The following NIPAL2 variants were observed in gnomAD, a reference collection of about 807,000 sequenced individuals.
The protein encoded by NIPAL2 is NIPA-like protein 2.
A neutral mutation model predicts 48.9 loss-of-function variants in NIPAL2; 43 were observed. The ratio of observed to expected loss-of-function variants is 0.88; its 90% confidence interval spans 0.69 to 1.13. The LOEUF (loss-of-function observed/expected upper bound fraction) is 1.13, where lower values mean the gene tolerates loss of function less well. Among genes scored for constraint, NIPAL2 ranks in the 50% most tolerant of loss-of-function variants. NIPAL2 has a pLI of 0.00. For synonymous variants in NIPAL2, 167 were observed against 174.6 expected, an observed-to-expected ratio of 0.96 and a Z score of 0.34; for missense variants, 446 against 461.4, an observed-to-expected ratio of 0.97 and a Z score of 0.31.
chr8:98,259,011 T>TA (rs940690501), intron 1 of NIPAL2, among the ~76,000 whole-genome samples: 1 of 144,214 alleles, frequency 6.9e-6, no homozygotes, highest in Non-Finnish European at 1.5e-5. Flanking sequence ...GGCCACAAAA[T>TA]AAAAAAATAC....
chr8:98,216,624 C>A (rs1005467270), intron 5 of NIPAL2, among the ~76,000 whole-genome samples: 1 of 152,172 alleles, frequency 6.6e-6, no homozygotes, highest in Non-Finnish European at 1.5e-5. Flanking sequence ...AGAATGACAC[C>A]AAATGACAGG....
intron 4 of NIPAL2, among the ~76,000 whole-genome samples, chr8:98,229,632 C>T (rs547822070): frequency 6.6e-6 from 1 of 152,194 alleles, no homozygotes; most frequent in Non-Finnish European, 1.5e-5. Flanking sequence ...CCCACCTTGG[C>T]CTCCTAAAGT....
At chr8:98,229,331 T>C (rs1003129879) in intron 4 of NIPAL2, among the ~76,000 whole-genome samples, 2 of 152,202 alleles carry the variant, frequency 1.3e-5, no homozygotes, top group African/African-American at 4.8e-5. Flanking sequence ...TTATAATAGA[T>C]ACACTAGTTA....
chr8:98,224,871 C>G (rs1467763806), intron 4 of NIPAL2, among the ~76,000 whole-genome samples: 1 of 151,128 alleles, frequency 6.6e-6, no homozygotes, highest in Non-Finnish European at 1.5e-5. Context: ...TGATCCTCCT[C>G]TTAGCCTCCC....
chr8:98,229,704 C>A (rs1812346434), intron 4 of NIPAL2, among the ~76,000 whole-genome samples: 1 of 152,008 alleles, frequency 6.6e-6, no homozygotes, highest in Admixed American at 6.6e-5. Flanking sequence ...AGGTGATGTT[C>A]TTAAAATTAT....
At chr8:98,227,827 C>T (rs1812251946) in intron 4 of NIPAL2, among the ~76,000 whole-genome samples, 1 of 152,166 alleles carries the variant, frequency 6.6e-6, no homozygotes, top group Non-Finnish European at 1.5e-5. Context: ...CAGGACTTGC[C>T]TAGGAGTTGC....
In NIPAL2 at chr8:98,240,217, T is replaced by C. The variant is rs148188940; in HGVS notation, c.377-4003A>G. Among the ~76,000 whole-genome samples, 90 of 152,278 alleles carry C rather than the reference T, an allele frequency of 5.9e-4. 1 individual carries two copies. In the East Asian group the frequency reaches 0.017, roughly 28 times the overall value. On this transcript the variant is annotated intron_variant, in intron 3 of 10. Transcript: ENST00000430223. ...GTGTGCATTTTTGGTTTGAGACATGTTTGGGCAGAGACTCATGAATGCTTT... is the reference window on the plus strand; with the variant it reads ...GTGTGCATTTTTGGTTTGAGACATGCTTGGGCAGAGACTCATGAATGCTTT...
chr8:98,219,552 C>G (rs1285381731), intron 5 of NIPAL2, among the ~76,000 whole-genome samples: 1 of 152,050 alleles, frequency 6.6e-6, no homozygotes, highest in East Asian at 1.9e-4. Flanking sequence ...TTTGGCAATT[C>G]ATGGAGAGGA....
intron 5 of NIPAL2, chr8:98,217,107 A>G: frequency 1.0e-6 from 1 of 985,472 alleles, no homozygotes; most frequent in Non-Finnish European, 1.2e-6. Flanking sequence ...CATCTGCAGC[A>G]GACAGGCTGG....
intron 5 of NIPAL2, chr8:98,217,222 T>C (rs1811622002): frequency 1.0e-6 from 1 of 985,316 alleles, no homozygotes; most frequent in Non-Finnish European, 1.2e-6. Flanking sequence ...GAGGAAAAGC[T>C]CCTGAGCCTT....
At chr8:98,286,941 G>C (rs1421915096) in intron 1 of NIPAL2, among the ~76,000 whole-genome samples, 1 of 152,112 alleles carries the variant, frequency 6.6e-6, no homozygotes, top group African/African-American at 2.4e-5. Context: ...GGGCAGTAGA[G>C]TGCTATCTGT....
At chr8:98,212,342 C>G in intron 6 of NIPAL2, 63 bp downstream of exon 6, 1 of 885,640 alleles carries the variant, frequency 1.1e-6, no homozygotes, top group South Asian at 1.5e-5. Flanking sequence ...TATTTTCCTT[C>G]AAACCTCATT....
chr8:98,249,374 C>G (rs780759441), intron 3 of NIPAL2, among the ~76,000 whole-genome samples: 8 of 152,002 alleles, frequency 5.3e-5, no homozygotes, highest in Non-Finnish European at 1.0e-4. Flanking sequence ...AAGAAAGATG[C>G]TTCAAGAAAG....
intron 5 of NIPAL2, among the ~76,000 whole-genome samples, 178 bp from the exon 6 acceptor site, chr8:98,212,679 C>T (rs939526523): frequency 3.3e-5 from 5 of 152,172 alleles, no homozygotes; most frequent in Non-Finnish European, 5.9e-5. Flanking sequence ...AGAGCTCGAA[C>T]GTCCCTCTCT....
In NIPAL2 at chr8:98,225,462, G is replaced by A. The variant is rs74715035; in HGVS notation, c.437-2862C>T. 4.2e-3 allele frequency among the ~76,000 whole-genome samples: 634 copies of A among 152,248 alleles called. 2 individuals are homozygous for A. Among genetic ancestry groups the A allele is most frequent in the African/African-American group, 0.015 (603 of 41,544 alleles). On this transcript the variant is annotated intron_variant, in intron 4 of 10. Coordinates refer to ENST00000430223, the MANE Select transcript of NIPAL2 (RefSeq NM_001321635.2). Reference sequence around the variant, plus strand: ...GCCACATATATTCCTTCTTTTGAAAGACAGATTTCTGACTTAGGAAACTTG... The same window carrying A: ...GCCACATATATTCCTTCTTTTGAAAAACAGATTTCTGACTTAGGAAACTTG...
chr8:98,199,692 G>T (rs1193867753), intron 8 of NIPAL2, among the ~76,000 whole-genome samples: 1 of 152,104 alleles, frequency 6.6e-6, no homozygotes, highest in Non-Finnish European at 1.5e-5. Context: ...AATAATGCAA[G>T]AATTACTAAA....
intron 1 of NIPAL2, among the ~76,000 whole-genome samples, chr8:98,291,198 C>A (rs1816472950): frequency 6.6e-6 from 1 of 152,114 alleles, no homozygotes; most frequent in Non-Finnish European, 1.5e-5. Context: ...ATATCCAAGA[C>A]CCCAAACCAT....
intron 1 of NIPAL2, among the ~76,000 whole-genome samples, chr8:98,261,104 C>T (rs1189260435): frequency 1.3e-5 from 2 of 151,062 alleles, no homozygotes; most frequent in Non-Finnish European, 3.0e-5. Context: ...ACAGAAAGGA[C>T]ATCCACACCA....
At chr8:98,203,028 A>G (rs1810876262) in intron 8 of NIPAL2, 80 bp downstream of exon 8, 1 of 1,118,584 alleles carries the variant, frequency 8.9e-7, no homozygotes, top group African/African-American at 1.6e-5. Flanking sequence ...CAACCTAAAG[A>G]TTTCTGGATT....
Sources: gnomAD v4.1 joint callset for allele counts (sites outside exome capture counted in the v4.1 genomes callset) on GRCh38, gnomAD v4.1.1 for gene constraint, MANE v1.5 for transcripts, NCBI Gene and HGNC (gene_info 2026-07-23, HGNC 2026-07-21) for gene names.